Variants in POLRMT observed in about 807,000 individuals in gnomAD.
POLRMT encodes DNA-directed RNA polymerase, mitochondrial.
In POLRMT, 114 loss-of-function variants were observed where a neutral mutation model predicts 132.2. The observed-to-expected ratio is 0.86, with a 90% CI of 0.74 to 1.01. The LOEUF is 1.01. Ranked by LOEUF, POLRMT falls within the 50% of genes least tolerant of loss-of-function variation. The pLI, the probability that POLRMT is intolerant of heterozygous loss-of-function variation, is 0.00. For synonymous variants in POLRMT, 1,020 were observed against 773.4 expected (o/e 1.32, Z -5.29); for missense variants, 2,003 against 1,729.1 (o/e 1.16, Z -2.81).
At chr19:623,304 C>G in intron 6 of POLRMT, 150 bp downstream of exon 6, 3 of 1,361,458 alleles carry the variant, frequency 2.2e-6, no homozygotes, top group Non-Finnish European at 2.9e-6. Flanking sequence ...AGCAATTCAA[C>G]CGCATACACG....
At chr19:624,967 C>T in intron 4 of POLRMT, 62 bp from the exon 5 acceptor site, 3 of 1,552,652 alleles carry the variant, frequency 1.9e-6, no homozygotes, top group Admixed American at 3.7e-5. Flanking sequence ...CCACAGACCC[C>T]AGGGGAACCT....
At chr19:619,382 C>T in intron 13 of POLRMT, 86 bp from the exon 14 acceptor site, 1 of 1,488,684 alleles carries the variant, frequency 6.7e-7, no homozygotes, top group Non-Finnish European at 9.3e-7. Flanking sequence ...CACTGAGGCC[C>T]AAGGCCTAGG....
rs780103576 is a variant in POLRMT, at chr19:622,646, C to T, written c.1562G>A (p.Gly521Asp). ...RHVVQRQRVS[G>D]QVQALQNHYR... The stretch of plus-strand genomic sequence containing the variant: ...GTGGTTCTGCAGCGCCTGCACCTGG[C>T]CACTGACCCGCTGCCTCTGCACCAC... The change falls in exon 8 of 21, where the codon GGC (glycine) becomes GAC (aspartate). Residue 521 changes from glycine to aspartate, a missense_variant. By Grantham distance (94) the Gly-to-Asp change is moderately conservative. Transcript: ENST00000588649. The T allele has an allele frequency of 6.2e-7, 1 of 1,607,242 alleles. No homozygotes were observed. Among genetic ancestry groups the T allele is most frequent in the Non-Finnish European group, 8.5e-7 (1 of 1,178,330 alleles).
In POLRMT at chr19:622,893, G is replaced by A. The variant is rs762775997; in HGVS notation, c.1383C>T (p.Tyr461=). 9.3e-6 allele frequency: 15 copies of A among 1,611,710 alleles called. No individual in the cohort carries two copies. Among genetic ancestry groups the A allele is most frequent in the African/African-American group, 2.7e-5 (2 of 74,878 alleles). The change falls in exon 7 of 21, where the codon TAC becomes TAT. Residue 461 remains tyrosine (Y), a synonymous_variant. Coordinates refer to ENST00000588649, the MANE Select transcript of POLRMT (RefSeq NM_005035.4). ...AGGGGTAAAGTGAGAACCGGCCCTC[G>A]TACACCTCGCGCTCTAGGCGGTTCT... ...ETKNRLEREV[Y]EGRFSLYPFL... is the part of the protein sequence containing the mutation.
Position 617,493 on chromosome 19 carries a change from G to C in POLRMT, c.3582-13C>G, listed in dbSNP as rs762170823. Reference sequence around the variant, plus strand: ...GATCTTCTGGGGCCTGGGGTTGGAAGCAGGGTGGGGTGAGGCTGAGGCCAG... The same window carrying C: ...GATCTTCTGGGGCCTGGGGTTGGAACCAGGGTGGGGTGAGGCTGAGGCCAG... On this transcript the variant is annotated splice_polypyrimidine_tract_variant and intron_variant, in intron 19 of 20. Coordinates refer to ENST00000588649, the MANE Select transcript of POLRMT (RefSeq NM_005035.4). 1 of 1,608,778 alleles carries C rather than the reference G, an allele frequency of 6.2e-7. No homozygotes were observed. The highest frequency in any genetic ancestry group is 1.1e-5 in the South Asian group (1 of 90,958).
chr19:629,351 T>C (rs1383015938), intron 3 of POLRMT, among the ~76,000 whole-genome samples, 189 bp downstream of exon 3: 1 of 152,176 alleles, frequency 6.6e-6, no homozygotes. Context: ...AATTTCTCCC[T>C]ACTTTTTTGG....
chr19:633,012 G>A (rs1387800612), intron 1 of POLRMT, 74 bp from the exon 2 acceptor site: 32 of 1,076,808 alleles, frequency 3.0e-5, no homozygotes, highest in Non-Finnish European at 4.0e-5. Flanking sequence ...AGAAGCCGAA[G>A]GGTCGAAGGG....
Position 619,940 on chromosome 19 carries a change from C to A in POLRMT, c.2886+18G>T. ...GCCCCCACGCCGAGATGCCCCCGGGCAGCAGGGCACACCCTACCTGCGCGG... is the reference window on the plus strand; with the variant it reads ...GCCCCCACGCCGAGATGCCCCCGGGAAGCAGGGCACACCCTACCTGCGCGG... On this transcript the variant is annotated intron_variant, in intron 12 of 20. Coordinates refer to ENST00000588649, the MANE Select transcript of POLRMT (RefSeq NM_005035.4). 1.2e-6 allele frequency: 2 copies of A among 1,600,554 alleles called. No individual in the cohort carries two copies. Among genetic ancestry groups the A allele is most frequent in the Non-Finnish European group, 1.7e-6 (2 of 1,177,548 alleles).
Position 632,899 on chromosome 19 carries a change from G to A in POLRMT, c.128C>T (p.Ser43Phe), listed in dbSNP as rs1985528450. Reference sequence around the variant, plus strand: ...TTGGTCTTGCTCCTGGGGGCTGGCGGACGAGCTCCTCCTGGGGCCGCAGAC... The same window carrying A: ...TTGGTCTTGCTCCTGGGGGCTGGCGAACGAGCTCCTCCTGGGGCCGCAGAC... ...GGVCGPRRSSSASPQEQDQDR... is the reference protein window; with the variant it reads ...GGVCGPRRSSFASPQEQDQDR... The change falls in exon 2 of 21, where the codon TCC (serine) becomes TTC (phenylalanine). Residue 43 changes from serine to phenylalanine, a missense_variant. By Grantham distance (155) the Ser-to-Phe change is radical. Transcript: ENST00000588649. 1 of 1,541,488 alleles carries A rather than the reference G, an allele frequency of 6.5e-7. No homozygotes were observed. Among genetic ancestry groups the A allele is most frequent in the Non-Finnish European group, 8.7e-7 (1 of 1,148,444 alleles).
At position 629,835 on chromosome 19, in the gene POLRMT, T is replaced by G. The variant is rs762674799; in HGVS notation, c.527A>C (p.Glu176Ala). The G allele has an allele frequency of 6.2e-7, 1 of 1,604,274 alleles. No homozygotes were observed. The highest frequency in any genetic ancestry group is 8.5e-7 in the Non-Finnish European group (1 of 1,175,820). ...CTCGGGGGCCTGGCGCGTGCAGTCC[T>G]CCAGGCACCCGGCCATCTGCTTGCT... The part of the protein sequence containing the change: ...LLSKQMAGCL[E>A]DCTRQAPESP... The change falls in exon 3 of 21, where the codon GAG (glutamate) becomes GCG (alanine). Residue 176 changes from glutamate (E) to alanine (A), a missense_variant. Physicochemically the swap from Glu to Ala is moderately radical, Grantham distance 107 (BLOSUM62 -1). Transcript: ENST00000588649.
At chr19:627,931 A>AAC (rs1985140973) in intron 3 of POLRMT, among the ~76,000 whole-genome samples, 2 of 151,822 alleles carry the variant, frequency 1.3e-5, no homozygotes, top group Admixed American at 6.6e-5. Flanking sequence ...TCTCAAAAAA[A>AAC]AAAAAAAAAA....
chr19:623,871 G>A (rs904035152), intron 5 of POLRMT, among the ~76,000 whole-genome samples: 1 of 152,200 alleles, frequency 6.6e-6, no homozygotes, highest in African/African-American at 2.4e-5. Context: ...AGCTGGCAGA[G>A]CCTGGGGAGA....
At chr19:629,275 A>T (rs1014373525) in intron 3 of POLRMT, among the ~76,000 whole-genome samples, 4 of 151,930 alleles carry the variant, frequency 2.6e-5, no homozygotes, top group Non-Finnish European at 5.9e-5. Flanking sequence ...GGCCAAAAGC[A>T]CCCCTGCCCA....
chr19:619,408 A>C (rs10853989), intron 13 of POLRMT, 112 bp from the exon 14 acceptor site: 1 of 1,380,860 alleles, frequency 7.2e-7, no homozygotes, highest in South Asian at 1.2e-5. Flanking sequence ...GCAGGGGGGC[A>C]GGGGAATGGG....
In POLRMT at chr19:617,588, A is replaced by C; in HGVS notation, c.3563T>G (p.Val1188Gly). Reference protein sequence around the residue: ...PILQDLSRFLVKRFCSEPQKI... With the variant: ...PILQDLSRFLGKRFCSEPQKI... ...GCCTTACTCAGAGCAGAACCGCTTG[A>C]CCAGGAATCTGGACAGGTCCTGCAG... is the stretch of plus-strand genomic sequence containing the variant. Residue 1188 changes from valine (V) to glycine (G), a missense_variant, in exon 19 of 21, where the codon GTC becomes GGC. Coordinates refer to ENST00000588649, the MANE Select transcript of POLRMT (RefSeq NM_005035.4). The C allele has an allele frequency of 1.2e-6, 2 of 1,612,174 alleles. No individual in the cohort carries two copies. The highest frequency in any genetic ancestry group is 1.7e-6 in the Non-Finnish European group (2 of 1,179,974).
chr19:628,220 T>TGC (rs1985160662), intron 3 of POLRMT, among the ~76,000 whole-genome samples: 1 of 152,206 alleles, frequency 6.6e-6, no homozygotes, highest in Non-Finnish European at 1.5e-5. Flanking sequence ...GTTTCTGCTG[T>TGC]GCAAGCCGCC....
At position 617,662 on chromosome 19, in the gene POLRMT, A is replaced by T; in HGVS notation, c.3496-7T>A. ...CAAACTGCTCCCGGCACACCTGGGC[A>T]GGAGTCAGAGGATCCCCAGGGGTGA... is the stretch of plus-strand genomic sequence containing the variant. On this transcript the variant is annotated splice_region_variant and splice_polypyrimidine_tract_variant and intron_variant, in intron 18 of 20. Coordinates refer to ENST00000588649, the MANE Select transcript of POLRMT (RefSeq NM_005035.4). 1 of 1,612,566 alleles carries T rather than the reference A, an allele frequency of 6.2e-7. No individual in the cohort carries two copies. The highest frequency in any genetic ancestry group is 8.5e-7 in the Non-Finnish European group (1 of 1,179,950).
rs776570187 is a variant in POLRMT at position 630,181 on chromosome 19, G to GA, written c.194-14dup. The GA allele has an allele frequency of 1.9e-6, 3 of 1,571,604 alleles. No homozygotes were observed. In the South Asian group the frequency reaches 3.6e-5, roughly 19 times the overall value. ...CGCGCCTGGAGCACTGTGAGGGGCA[G>GA]AAGGCGAGGACATGAGAGGGACCCC... On this transcript the variant is annotated splice_polypyrimidine_tract_variant and intron_variant, in intron 2 of 20. Transcript: ENST00000588649.
intron 5 of POLRMT, among the ~76,000 whole-genome samples, chr19:623,822 G>A (rs1984823206): frequency 1.3e-5 from 2 of 152,184 alleles, no homozygotes; most frequent in African/African-American, 4.8e-5. Context: ...AAGGGACACT[G>A]GGCACCGTGC....
Sources: gnomAD v4.1 joint callset for allele counts (sites outside exome capture counted in the v4.1 genomes callset) on GRCh38, gnomAD v4.1.1 for gene constraint, MANE v1.5 for transcripts, NCBI Gene and HGNC (gene_info 2026-07-23, HGNC 2026-07-21) for gene names.